Variants in ZNF519 observed in about 807,000 individuals in gnomAD.
ZNF519 encodes the protein zinc finger protein 519.
A neutral mutation model predicts 7.4 loss-of-function variants in ZNF519; 7 were observed. That is an observed-to-expected ratio of 0.94 (90% CI 0.54 to 1.77). The LOEUF (loss-of-function observed/expected upper bound fraction) is 1.77. Ranked by LOEUF, ZNF519 falls within the 40% of genes most tolerant of loss-of-function variation. The probability of loss-of-function intolerance (pLI) is 0.00; values close to 1 mark genes in which losing one functional copy is unlikely to be tolerated. For missense variants in ZNF519, 586 were observed against 623.1 expected (o/e 0.94, Z 0.63); for synonymous variants, 179 against 203.3 (o/e 0.88, Z 1.02).
At chr18:14,113,035 G>A (rs559599787) in intron 2 of ZNF519, among the ~76,000 whole-genome samples, 3 of 152,224 alleles carry the variant, frequency 2.0e-5, no homozygotes, top group African/African-American at 7.2e-5. Context: ...TTCCATCCAT[G>A]TTGTTGCCAA....
Position 14,100,533 on chromosome 18 carries a change from A to T in ZNF519, c.*4384T>A, listed in dbSNP as rs2046155738. On this transcript the variant is annotated 3_prime_UTR_variant, in exon 3 of 3. Coordinates refer to ENST00000590202, the MANE Select transcript of ZNF519 (RefSeq NM_145287.4). ...CTAAAACATAAACCAATTTAGATGAATCTCCAAGGAATTATGCTGAAGGAA... is the reference window on the plus strand; with the variant it reads ...CTAAAACATAAACCAATTTAGATGATTCTCCAAGGAATTATGCTGAAGGAA... 1 of 152,240 alleles carries T rather than the reference A, an allele frequency of 6.6e-6. No individual in the cohort carries two copies. Among genetic ancestry groups the T allele is most frequent in the African/African-American group, 2.4e-5 (1 of 41,464 alleles). 9.4% of individuals were successfully genotyped at this position (152,240 alleles called of 1,614,324 possible).
chr18:14,112,451 G>C (rs1011966310), intron 2 of ZNF519, among the ~76,000 whole-genome samples: 1 of 152,100 alleles, frequency 6.6e-6, no homozygotes, highest in Non-Finnish European at 1.5e-5. Context: ...ATGGCAGCTA[G>C]AGCAATTAGA....
chr18:14,088,487 T>G (rs965934895), intron 2 of ZNF519, among the ~76,000 whole-genome samples: 3 of 152,150 alleles, frequency 2.0e-5, no homozygotes, highest in Non-Finnish European at 4.4e-5. Context: ...CATGGCTAAG[T>G]GCATATGATA....
At chr18:14,128,313 C>CAAACAAAG (rs79719127) in intron 1 of ZNF519, among the ~76,000 whole-genome samples, 10 of 151,246 alleles carry the variant, frequency 6.6e-5, no homozygotes, top group Non-Finnish European at 1.3e-4. Flanking sequence ...AACAAACAAA[C>CAAACAAAG]TCTCCACCAT....
chr18:14,106,056 A>G lies in ZNF519; in HGVS notation c.484T>C (p.Phe162Leu). Residue 162 changes from phenylalanine (F) to leucine (L), a missense_variant, in exon 3 of 3, where the codon TTT (phenylalanine) becomes CTT (leucine). Physicochemically the swap from Phe to Leu is conservative, Grantham distance 22 (BLOSUM62 0). Coordinates refer to ENST00000590202, the MANE Select transcript of ZNF519 (RefSeq NM_145287.4). ...TTACTAATATTTGAGTCATGGTTAA[A>G]ATTTATCTGATTTTTATTACAAAAG... ...SVFCNKNQIN[F>L]NHDSNISKHH... The G allele has an allele frequency of 6.3e-7, 1 of 1,594,000 alleles. No individual in the cohort carries two copies. Among genetic ancestry groups the G allele is most frequent in the Non-Finnish European group, 8.5e-7 (1 of 1,171,296 alleles).
Position 14,132,357 on chromosome 18 carries a change from G to A in ZNF519, c.-80C>T. 10 of 1,551,642 alleles carry A rather than the reference G, an allele frequency of 6.4e-6. No individual in the cohort carries two copies. Among genetic ancestry groups the A allele is most frequent in the Non-Finnish European group, 8.9e-6 (10 of 1,129,328 alleles). On this transcript the variant is annotated 5_prime_UTR_variant, in exon 1 of 3. Coordinates refer to ENST00000590202, the MANE Select transcript of ZNF519 (RefSeq NM_145287.4). ...AGGTCACAGAGCGACGGAGTGAGTG[G>A]CAGAATCACCGAAGTCTCCCGGAGC... is the stretch of plus-strand genomic sequence containing the variant.
At chr18:14,078,737 A>G (rs2046058280) in intron 3 of ZNF519, among the ~76,000 whole-genome samples, 2 of 149,322 alleles carry the variant, frequency 1.3e-5, no homozygotes, top group Admixed American at 1.3e-4. Flanking sequence ...CCAAGAATGC[A>G]AGTAGATTCA....
intron 2 of ZNF519, among the ~76,000 whole-genome samples, chr18:14,116,979 C>A (rs2046249084): frequency 6.6e-6 from 1 of 152,108 alleles, no homozygotes. Context: ...CCATTGCACT[C>A]CAGCATGGGC....
chr18:14,125,932 C>G (rs1444928385), intron 1 of ZNF519, among the ~76,000 whole-genome samples: 1 of 152,142 alleles, frequency 6.6e-6, no homozygotes, highest in Admixed American at 6.5e-5. Flanking sequence ...GTGATCTGCC[C>G]GCCTTGGCCT....
At chr18:14,081,382 CAT>C (rs2046070207) in intron 3 of ZNF519, among the ~76,000 whole-genome samples, 1 of 151,984 alleles carries the variant, frequency 6.6e-6, no homozygotes, top group African/African-American at 2.4e-5. Context: ...TAAAAGAAGA[CAT>C]AGCTTTTTAA....
At chr18:14,081,353 C>CTA (rs55794891) in intron 3 of ZNF519, among the ~76,000 whole-genome samples, 36,873 of 151,770 alleles carry the variant, frequency 0.24, 4,944 homozygotes, top group African/African-American at 0.33. Context: ...GCATTATAAA[C>CTA]TGTGCATATT....
exon 5 of ZNF519, chr18:14,076,200 C>T (rs1057498): frequency 6.6e-6 from 1 of 151,660 alleles, no homozygotes; most frequent in African/African-American, 2.4e-5. Flanking sequence ...ATTTCATTTT[C>T]TTTTTTTTGT....
At chr18:14,072,326 G>A (rs908181942), downstream of ZNF519, 2 of 152,034 alleles carry the variant, frequency 1.3e-5, no homozygotes, top group African/African-American at 4.8e-5. Context: ...ACTGATACTC[G>A]GTTTATAATC....
exon 5 of ZNF519, chr18:14,077,050 C>T (rs904411285): frequency 1.3e-5 from 2 of 152,014 alleles, no homozygotes; most frequent in African/African-American, 4.8e-5. Flanking sequence ...ATGTCCCCGA[C>T]TCTTCTAGAA....
chr18:14,107,121 T>G (rs1396458514), intron 2 of ZNF519, among the ~76,000 whole-genome samples: 1 of 152,054 alleles, frequency 6.6e-6, no homozygotes, highest in Non-Finnish European at 1.5e-5. Context: ...TACAAACTGG[T>G]GCAGCTAAGA....
At chr18:14,111,837 A>T (rs2046222621) in intron 2 of ZNF519, among the ~76,000 whole-genome samples, 2 of 152,176 alleles carry the variant, frequency 1.3e-5, no homozygotes, top group South Asian at 4.1e-4. Flanking sequence ...ACTGAATTCG[A>T]CCAAACATGT....
At chr18:14,082,097 A>G (rs1431684382) in intron 3 of ZNF519, 1 of 152,124 alleles carries the variant, frequency 6.6e-6, no homozygotes. Flanking sequence ...CCATGTTTTC[A>G]CTGCTTAAGA....
At chr18:14,125,145 T>C (rs1357799145) in intron 1 of ZNF519, among the ~76,000 whole-genome samples, 1 of 152,120 alleles carries the variant, frequency 6.6e-6, no homozygotes, top group East Asian at 1.9e-4. Context: ...ACACACAGAA[T>C]CCCTTATCCC....
intron 2 of ZNF519, among the ~76,000 whole-genome samples, chr18:14,119,686 G>C (rs1044320653): frequency 6.6e-6 from 1 of 152,040 alleles, no homozygotes; most frequent in Non-Finnish European, 1.5e-5. Flanking sequence ...AAACTGCTGG[G>C]CTCAAATGAT....
Sources: allele counts gnomAD v4.1 joint callset (sites outside exome capture counted in the v4.1 genomes callset), GRCh38; gene constraint gnomAD v4.1.1; transcripts MANE v1.5; gene names NCBI Gene and HGNC (gene_info 2026-07-23, HGNC 2026-07-21).